PRDM11: variants seen among roughly 807,000 people sequenced by gnomAD.
PRDM11 encodes PR domain-containing protein 11.
A neutral mutation model predicts 97.8 loss-of-function variants in PRDM11; 20 were observed. The observed-to-expected ratio is 0.20, with a 90% confidence interval of 0.14 to 0.30. The LOEUF (loss-of-function observed/expected upper bound fraction) is 0.30. Ranked by LOEUF, PRDM11 falls within the 10% of genes least tolerant of loss-of-function variation. The pLI is 1.00. For synonymous variants in PRDM11, 599 were observed against 637.7 expected (o/e 0.94, Z 0.91); for missense variants, 1,139 against 1,555.2 (o/e 0.73, Z 4.50).
chr11:45,149,751 C>T (rs780037574), intron 1 of PRDM11, among the ~76,000 whole-genome samples: 14 of 152,230 alleles, frequency 9.2e-5, no homozygotes, highest in African/African-American at 2.2e-4. Flanking sequence ...TGTGTCACTC[C>T]GTGCGTGAAG....
intron 1 of PRDM11, among the ~76,000 whole-genome samples, chr11:45,172,142 A>G (rs1290179450): frequency 6.6e-6 from 1 of 152,244 alleles, no homozygotes; most frequent in Non-Finnish European, 1.5e-5. Flanking sequence ...ACTGGTTTAC[A>G]TAAAGGCTAC....
intron 1 of PRDM11, among the ~76,000 whole-genome samples, chr11:45,135,679 G>A (rs1468843855): frequency 2.0e-5 from 3 of 152,134 alleles, no homozygotes; most frequent in Non-Finnish European, 4.4e-5. Flanking sequence ...ACTTAAATAC[G>A]ATGGAAAAAT....
rs1372604586 is a variant in PRDM11 at position 45,228,097 on chromosome 11, C to T, written c.3472C>T (p.Leu1158=). Residue 1158 remains leucine (L), a synonymous_variant, in exon 8 of 8, where the codon CTG becomes TTG. Transcript: ENST00000683152. ...SAEVLSRMSA[L]EQKPALQTMD... ...AGAAGTCCTCAGTAGGATGTCTGCG[C>T]TGGAGCAGAAGCCAGCACTACAGAC... 45 of 1,533,672 alleles carry T rather than the reference C, an allele frequency of 2.9e-5. No homozygotes were observed. The highest frequency in any genetic ancestry group is 3.7e-5 in the Non-Finnish European group (42 of 1,146,728).
chr11:45,169,070 C>T (rs542995627), intron 1 of PRDM11, among the ~76,000 whole-genome samples: 18 of 152,228 alleles, frequency 1.2e-4, no homozygotes, highest in African/African-American at 4.1e-4. Flanking sequence ...TGCCTCACCC[C>T]GAATCACTGA....
intron 1 of PRDM11, chr11:45,096,005 C>T (rs1851883422): frequency 2.8e-6 from 2 of 708,178 alleles, no homozygotes; most frequent in East Asian, 2.7e-5. Flanking sequence ...CAGGCCCCTG[C>T]TTGTTGTCAT....
At chr11:45,144,244 G>A (rs1216885042), upstream of PRDM11, among the ~76,000 whole-genome samples, 1 of 152,196 alleles carries the variant, frequency 6.6e-6, no homozygotes, top group East Asian at 1.9e-4. Context: ...GGCCCCCAAA[G>A]AGGACAAGTC....
intron 1 of PRDM11, among the ~76,000 whole-genome samples, chr11:45,120,869 A>G (rs1026506511): frequency 6.6e-6 from 1 of 152,178 alleles, no homozygotes; most frequent in Non-Finnish European, 1.5e-5. Context: ...ATATATGACA[A>G]TAATAGCACA....
chr11:45,196,747 T>C (rs569604809), intron 4 of PRDM11, among the ~76,000 whole-genome samples: 1 of 152,318 alleles, frequency 6.6e-6, no homozygotes, highest in South Asian at 2.1e-4. Context: ...GGCTGGTCCA[T>C]AGTCCTGGCA....
intron 1 of PRDM11, among the ~76,000 whole-genome samples, chr11:45,179,162 C>T (rs1395156512): frequency 2.0e-5 from 3 of 152,050 alleles, no homozygotes; most frequent in Non-Finnish European, 2.9e-5. Flanking sequence ...AGCAAGGGAG[C>T]CCCATGCAAA....
At chr11:45,131,782 T>G (rs575173360) in intron 1 of PRDM11, among the ~76,000 whole-genome samples, 1 of 152,344 alleles carries the variant, frequency 6.6e-6, no homozygotes, top group South Asian at 2.1e-4. Context: ...TAGCTGCAAA[T>G]AATGAAATAC....
chr11:45,134,053 C>T (rs1852776946), intron 1 of PRDM11, among the ~76,000 whole-genome samples: 1 of 152,190 alleles, frequency 6.6e-6, no homozygotes, highest in Admixed American at 6.5e-5. Flanking sequence ...CCCCAGAGGG[C>T]AAGGCACACA....
chr11:45,098,022 C>G (rs1851913655), intron 1 of PRDM11, among the ~76,000 whole-genome samples: 1 of 151,698 alleles, frequency 6.6e-6, no homozygotes, highest in African/African-American at 2.4e-5. Context: ...GAAGCAAATC[C>G]CTTCACTCCC....
chr11:45,194,069 A>C (rs1853011922), intron 4 of PRDM11, among the ~76,000 whole-genome samples: 1 of 152,250 alleles, frequency 6.6e-6, no homozygotes, highest in African/African-American at 2.4e-5. Context: ...GGAGCAAAGA[A>C]GTGCAGGCTG....
At chr11:45,146,443 G>A (rs932116006), upstream of PRDM11, among the ~76,000 whole-genome samples, 3 of 151,744 alleles carry the variant, frequency 2.0e-5, no homozygotes, top group Non-Finnish European at 4.4e-5. Context: ...ATTTCTCCAC[G>A]GGCTGGATTA....
intron 4 of PRDM11, among the ~76,000 whole-genome samples, chr11:45,189,202 C>T (rs563804587): frequency 1.4e-4 from 22 of 152,204 alleles, no homozygotes; most frequent in Admixed American, 1.3e-3. Context: ...CACCCGGCCG[C>T]GAGCACAGGG....
chr11:45,185,244 A>G (rs1047285096), intron 4 of PRDM11, among the ~76,000 whole-genome samples: 1 of 152,092 alleles, frequency 6.6e-6, no homozygotes, highest in Non-Finnish European at 1.5e-5. Context: ...ATGTCTGGAG[A>G]CCTTTTGGTT....
intron 1 of PRDM11, among the ~76,000 whole-genome samples, chr11:45,151,767 G>T (rs936160531): frequency 2.0e-5 from 3 of 152,180 alleles, no homozygotes; most frequent in Non-Finnish European, 4.4e-5. Flanking sequence ...GTAGGATTTG[G>T]ATAGCACAGG....
At chr11:45,185,545 A>G (rs1017979082) in intron 4 of PRDM11, among the ~76,000 whole-genome samples, 3 of 152,052 alleles carry the variant, frequency 2.0e-5, no homozygotes, top group Admixed American at 1.3e-4. Flanking sequence ...AGCATCCTCA[A>G]AAAGCCAAGG....
chr11:45,194,816 T>C (rs1378137859), intron 4 of PRDM11, among the ~76,000 whole-genome samples: 1 of 151,770 alleles, frequency 6.6e-6, no homozygotes, highest in Non-Finnish European at 1.5e-5. Flanking sequence ...GCCGGGATGG[T>C]CTCGATCTCC....
Sources: allele counts gnomAD v4.1 joint callset (sites outside exome capture counted in the v4.1 genomes callset), GRCh38; gene constraint gnomAD v4.1.1; transcripts MANE v1.5; gene names NCBI Gene and HGNC (gene_info 2026-07-23, HGNC 2026-07-21).